The following PRKN variants were observed in gnomAD, a reference collection of about 807,000 sequenced individuals.
PRKN encodes parkin RBR E3 ubiquitin protein ligase.
Under a neutral mutation model 59.5 loss-of-function variants are expected in PRKN, and 56 were observed. That is an observed-to-expected ratio of 0.94 (90% CI 0.76 to 1.18). The LOEUF (loss-of-function observed/expected upper bound fraction) is 1.18. Ranked by LOEUF, PRKN falls within the 50% of genes most tolerant of loss-of-function variation. The pLI is 0.00. For missense variants in PRKN, 657 were observed against 596.4 expected (o/e 1.10, Z -1.06); for synonymous variants, 250 against 222.1 (o/e 1.13, Z -1.12).
At chr6:162,338,343 G>C (rs1012024102) in intron 2 of PRKN, among the ~76,000 whole-genome samples, 1 of 152,012 alleles carries the variant, frequency 6.6e-6, no homozygotes, top group African/African-American at 2.4e-5. Context: ...CTGCCATCTC[G>C]GCTCACTGCA....
At chr6:162,661,609 C>G (rs1300390528) in intron 1 of PRKN, among the ~76,000 whole-genome samples, 1 of 152,160 alleles carries the variant, frequency 6.6e-6, no homozygotes, top group South Asian at 2.1e-4. Context: ...ACTCTGCTCT[C>G]TAACACTTGA....
At chr6:161,452,038 C>T (rs149898034) in intron 9 of PRKN, among the ~76,000 whole-genome samples, 286 of 151,960 alleles carry the variant, frequency 1.9e-3, no homozygotes, top group African/African-American at 6.7e-3. Context: ...TCACTGCACC[C>T]TCCCCCTCCC....
At chr6:162,479,939 C>G (rs995857747) in intron 1 of PRKN, among the ~76,000 whole-genome samples, 9 of 151,962 alleles carry the variant, frequency 5.9e-5, no homozygotes, top group African/African-American at 2.2e-4. Flanking sequence ...GTGGCGCATG[C>G]CTGTAATCTC....
chr6:161,541,303 G>A (rs1438443930), intron 9 of PRKN, among the ~76,000 whole-genome samples: 1 of 152,180 alleles, frequency 6.6e-6, no homozygotes, highest in Non-Finnish European at 1.5e-5. Context: ...AGGCTGCCAT[G>A]TCAGACACAC....
chr6:161,705,442 C>T (rs755449303), intron 7 of PRKN, among the ~76,000 whole-genome samples: 1 of 152,146 alleles, frequency 6.6e-6, no homozygotes, highest in Non-Finnish European at 1.5e-5. Context: ...TGGTTTCAAC[C>T]ATTGTGTATC....
intron 2 of PRKN, among the ~76,000 whole-genome samples, chr6:162,284,520 G>A (rs948875515): frequency 4.6e-5 from 7 of 151,966 alleles, no homozygotes; most frequent in Non-Finnish European, 8.8e-5. Flanking sequence ...CACCGCACCC[G>A]GCCATATTGT....
At chr6:162,296,041 C>A (rs533129202) in intron 2 of PRKN, among the ~76,000 whole-genome samples, 2 of 152,066 alleles carry the variant, frequency 1.3e-5, no homozygotes, top group Admixed American at 6.5e-5. Flanking sequence ...ATAATTACAG[C>A]AAGTTTGTAT....
At chr6:162,256,290 A>G (rs1779637420) in intron 3 of PRKN, among the ~76,000 whole-genome samples, 1 of 152,160 alleles carries the variant, frequency 6.6e-6, no homozygotes, top group African/African-American at 2.4e-5. Flanking sequence ...AGTAGACCAT[A>G]AATTCTTGAT....
At chr6:162,681,352 G>A (rs1414428088) in intron 1 of PRKN, among the ~76,000 whole-genome samples, 4 of 152,058 alleles carry the variant, frequency 2.6e-5, no homozygotes, top group Admixed American at 2.0e-4. Flanking sequence ...GTTGGTGTTG[G>A]GTGATGAAAT....
Position 161,680,749 on chromosome 6 carries a change from ATATATATATATATATATATATATATAT to A in PRKN, c.871+104996_871+105022del, listed in dbSNP as rs1395340930. On this transcript the variant is annotated intron_variant, in intron 7 of 11. Coordinates refer to ENST00000366898, the MANE Select transcript of PRKN (RefSeq NM_004562.3). ...TACATATATATATATATATATATAT[ATATATATATATATATATATATATATAT>A]TTTTTTTTTTTTTTCTTTTCCTAAA... is the stretch of plus-strand genomic sequence containing the variant. 5.0e-3 allele frequency among the ~76,000 whole-genome samples: 60 copies of A among 12,090 alleles called. 3 individuals carry two copies. The South Asian group carries it at 0.16, about 32-fold the overall frequency. The allele number at this position is 12,090 out of a possible 152,430, so 7.9% of individuals were successfully genotyped here.
rs1408790622 is a variant in PRKN at position 161,447,790 on chromosome 6, GCCT to G, written c.1084-60916_1084-60914del. On this transcript the variant is annotated intron_variant, in intron 9 of 11. Coordinates refer to ENST00000366898, the MANE Select transcript of PRKN (RefSeq NM_004562.3). The surrounding 1 kb of genome is among the most constrained non-coding windows in gnomAD (Gnocchi z 4.1). Reference sequence around the variant, plus strand: ...TTACAGGTATGAGCCACCGTGGCTGGCCTCCTTTTTCTTTTAAACACATACATA... The same window carrying G: ...TTACAGGTATGAGCCACCGTGGCTGGCCTTTTTCTTTTAAACACATACATA... 6.6e-6 allele frequency among the ~76,000 whole-genome samples: 1 copy of G among 152,166 alleles called. No homozygotes were observed. The highest frequency in any genetic ancestry group is 2.4e-5 in the African/African-American group (1 of 41,440).
chr6:161,719,078 GA>G (rs1181388200), intron 7 of PRKN, among the ~76,000 whole-genome samples: 2 of 152,020 alleles, frequency 1.3e-5, no homozygotes, highest in African/African-American at 4.8e-5. Flanking sequence ...GTTCCTTGAA[GA>G]AAAACTAGAA....
intron 9 of PRKN, among the ~76,000 whole-genome samples, chr6:161,477,441 A>G (rs1283481110): frequency 6.8e-6 from 1 of 147,404 alleles, no homozygotes; most frequent in Non-Finnish European, 1.5e-5. Context: ...GCTTGAACTC[A>G]GGAGGCAGAG....
rs918065834 is a variant in PRKN, at chr6:161,372,930, C to T, written c.1168-12725G>A. ...CTCTAGCCTGGAAATCCTGGGCTCTCGAGTAGCTGGGACTACAGGCACATG... is the reference window on the plus strand; with the variant it reads ...CTCTAGCCTGGAAATCCTGGGCTCTTGAGTAGCTGGGACTACAGGCACATG... On this transcript the variant is annotated intron_variant, in intron 10 of 11. Coordinates refer to ENST00000366898, the MANE Select transcript of PRKN (RefSeq NM_004562.3). This position sits in a 1 kb window ranked among gnomAD's most constrained non-coding sequence, Gnocchi z 4.2. 3.3e-5 allele frequency among the ~76,000 whole-genome samples: 5 copies of T among 149,878 alleles called. No individual in the cohort carries two copies. The highest frequency in any genetic ancestry group is 2.1e-4 in the South Asian group (1 of 4,732).
chr6:162,377,438 C>T (rs1423339069), intron 2 of PRKN, among the ~76,000 whole-genome samples: 2 of 152,206 alleles, frequency 1.3e-5, no homozygotes, highest in African/African-American at 2.4e-5. Context: ...TCTTGGCTGC[C>T]TTCTTGAGTG....
intron 1 of PRKN, among the ~76,000 whole-genome samples, chr6:162,576,238 T>G (rs1357697276): frequency 6.6e-6 from 1 of 152,164 alleles, no homozygotes; most frequent in African/African-American, 2.4e-5. Flanking sequence ...TGACTCAGTC[T>G]TAAAGTATGA....
At position 161,531,601 on chromosome 6, in the gene PRKN, A is replaced by AT. The variant is rs1293641618; in HGVS notation, c.1083+17252dup. Among the ~76,000 whole-genome samples, 4 of 151,976 alleles carry AT rather than the reference A, an allele frequency of 2.6e-5. No individual in the cohort carries two copies. In the South Asian group the frequency reaches 6.2e-4, roughly 24 times the overall value. ...ATCCAAAATAGGCTCAAAGGAGAAG[A>AT]TTTTCTCTTTAGGGGGCTTGTACGT... On this transcript the variant is annotated intron_variant, in intron 9 of 11. Transcript: ENST00000366898.
intron 4 of PRKN, among the ~76,000 whole-genome samples, chr6:162,096,418 T>G (rs1372376393): frequency 6.6e-6 from 1 of 152,326 alleles, no homozygotes; most frequent in South Asian, 2.1e-4. Context: ...TTGACTCACA[T>G]TGTATGTTTC....
intron 1 of PRKN, among the ~76,000 whole-genome samples, chr6:162,644,572 A>G (rs867634831): frequency 1.1e-4 from 16 of 152,210 alleles, no homozygotes; most frequent in African/African-American, 3.9e-4. Context: ...TATTTTCAGA[A>G]AGGCAGGCAC....
Sources: allele counts gnomAD v4.1 joint callset (sites outside exome capture counted in the v4.1 genomes callset), GRCh38; gene constraint gnomAD v4.1.1; non-coding constraint Gnocchi (gnomAD v3.1); transcripts MANE v1.5; gene names NCBI Gene and HGNC (gene_info 2026-07-23, HGNC 2026-07-21).